Variants in DCLRE1A observed in about 807,000 individuals in gnomAD.
The protein encoded by DCLRE1A is DNA cross-link repair 1A, also known as DNA cross-link repair 1A protein.
Under a neutral mutation model 91.9 loss-of-function variants are expected in DCLRE1A, and 64 were observed. The observed-to-expected ratio is 0.70, with a 90% CI of 0.57 to 0.86. DCLRE1A has a LOEUF of 0.86. DCLRE1A is among the 40% of genes least tolerant of loss of function. DCLRE1A has a pLI of 0.00. For synonymous variants in DCLRE1A, 416 were observed against 431.1 expected (o/e 0.96, Z 0.43); for missense variants, 1,145 against 1,213.3 (o/e 0.94, Z 0.84).
At chr10:113,848,840 G>A (rs1276667065) in intron 2 of DCLRE1A, 140 bp downstream of exon 2, 8 of 791,074 alleles carry the variant, frequency 1.0e-5, no homozygotes, top group African/African-American at 3.5e-5. Flanking sequence ...CTACGTTAGA[G>A]GCTCATGAAG....
In DCLRE1A at chr10:113,853,373, A is replaced by C. The variant is rs1845693413; in HGVS notation, c.-191T>G. The C allele has an allele frequency of 1.8e-6, 1 of 541,158 alleles. No individual in the cohort carries two copies. Among genetic ancestry groups the C allele is most frequent in the African/African-American group, 1.9e-5 (1 of 51,476 alleles). The allele number at this position is 541,158 out of a possible 1,614,324, so 33.5% of individuals were successfully genotyped here. On this transcript the variant is annotated 5_prime_UTR_variant, in exon 1 of 9. Transcript: ENST00000361384. ...TGGCAAGCTACAAACCTTGTACCTG[A>C]CAACACCTGCTATTCCATTTATACC...
chr10:113,845,599 A>G (rs1259659925), intron 4 of DCLRE1A, 86 bp downstream of exon 4: 3 of 984,306 alleles, frequency 3.0e-6, no homozygotes, highest in South Asian at 1.5e-5. Flanking sequence ...CATATTAATT[A>G]TAATGAAAAA....
rs1211926193 is a variant in DCLRE1A, at chr10:113,854,039, G to A, written c.-857C>T. The A allele has an allele frequency of 6.6e-6, 1 of 152,216 alleles. No homozygotes were observed. Among genetic ancestry groups the A allele is most frequent in the Non-Finnish European group, 1.5e-5 (1 of 68,122 alleles). 9.4% of individuals were successfully genotyped at this position (152,216 alleles called of 1,614,324 possible). A position where few individuals can be genotyped will look rare whatever the true frequency, so the allele number is the denominator to read the frequency against. On this transcript the variant is annotated 5_prime_UTR_variant, in exon 1 of 9. Coordinates refer to ENST00000361384, the MANE Select transcript of DCLRE1A (RefSeq NM_014881.5). ...TTGGCATTAGAGGCTGGGAGGCCAG[G>A]AAGCGGGGCCTTAATCATCTCCAGG...
In DCLRE1A at chr10:113,849,000, G is replaced by A. The variant is rs1462104168; in HGVS notation, c.2105C>T (p.Pro702Leu). The change falls in exon 2 of 9, where the codon CCA (proline) becomes CTA (leucine). Residue 702 changes from proline to leucine, a missense_variant. Pro to Leu is a moderately conservative substitution (Grantham distance 98). Coordinates refer to ENST00000361384, the MANE Select transcript of DCLRE1A (RefSeq NM_014881.5). ...CTTACCAGGTATTTTCTTATAGAAT[G>A]GACATGTCTTTTTTCTTGATCCTCC... ...NVGGSRKKTC[P>L]FYKKIPGTGF... The A allele has an allele frequency of 6.2e-7, 1 of 1,613,134 alleles. No individual in the cohort carries two copies. The highest frequency in any genetic ancestry group is 1.3e-5 in the African/African-American group (1 of 74,884).
rs781052646 is a variant in DCLRE1A at position 113,849,958 on chromosome 10, C to A, written c.1147G>T (p.Asp383Tyr). The A allele has an allele frequency of 3.1e-6, 5 of 1,614,036 alleles. No individual in the cohort carries two copies. The highest frequency in any genetic ancestry group is 4.2e-6 in the Non-Finnish European group (5 of 1,180,046). The change falls in exon 2 of 9, where the codon GAT becomes TAT. Residue 383 changes from aspartate (D) to tyrosine (Y), a missense_variant. Coordinates refer to ENST00000361384, the MANE Select transcript of DCLRE1A (RefSeq NM_014881.5). ...TTTTGAGAAATAGGTTGAGACAAAT[C>A]ATTTAGACTATTGAATCTATACAAT... ...EGLYRFNSLNDLSQPISQNNE... is the reference protein window; with the variant it reads ...EGLYRFNSLNYLSQPISQNNE...
intron 4 of DCLRE1A, among the ~76,000 whole-genome samples, chr10:113,845,100 G>C (rs1845511621): frequency 6.6e-6 from 1 of 152,084 alleles, no homozygotes; most frequent in South Asian, 2.1e-4. Flanking sequence ...CTATGTTACA[G>C]TGGGCTAACA....
At chr10:113,841,205 T>G (rs1171409273) in intron 7 of DCLRE1A, among the ~76,000 whole-genome samples, 1 of 152,198 alleles carries the variant, frequency 6.6e-6, no homozygotes, top group Admixed American at 6.5e-5. Flanking sequence ...CCTAAACTTC[T>G]GGTGGGCATA....
chr10:113,839,347 A>G (rs1447723236), intron 7 of DCLRE1A, among the ~76,000 whole-genome samples: 2 of 151,386 alleles, frequency 1.3e-5, no homozygotes, highest in African/African-American at 4.8e-5. Flanking sequence ...AAAAAAAAAA[A>G]AAAGAAATCT....
intron 1 of DCLRE1A, 101 bp from the exon 2 acceptor site, chr10:113,850,745 T>C (rs575634720): frequency 7.9e-6 from 7 of 889,736 alleles, no homozygotes; most frequent in South Asian, 2.3e-5. Flanking sequence ...AATATCCACA[T>C]TGCATATAAT....
chr10:113,836,038 C>T (rs190914213), intron 8 of DCLRE1A, among the ~76,000 whole-genome samples: 68 of 152,272 alleles, frequency 4.5e-4, no homozygotes, highest in African/African-American at 1.5e-3. Flanking sequence ...TCTCCTACTC[C>T]GCTAGGATAA....
At chr10:113,837,344 T>C (rs1209755490) in intron 7 of DCLRE1A, 141 bp from the exon 8 acceptor site, 1 of 585,338 alleles carries the variant, frequency 1.7e-6, no homozygotes, top group Admixed American at 3.3e-5. Context: ...GTGCTATGCT[T>C]CTAAAAAATA....
chr10:113,841,703 G>C, intron 6 of DCLRE1A, 143 bp from the exon 7 acceptor site: 1 of 801,942 alleles, frequency 1.2e-6, no homozygotes, highest in South Asian at 2.1e-5. Flanking sequence ...TCTCAAAAAG[G>C]CTGAATCATT....
intron 7 of DCLRE1A, among the ~76,000 whole-genome samples, chr10:113,837,829 A>C (rs1197122172): frequency 1.3e-5 from 2 of 152,194 alleles, no homozygotes; most frequent in African/African-American, 4.8e-5. Context: ...AAGTAATCAT[A>C]AATGATGACA....
chr10:113,852,774 G>A lies in DCLRE1A; in HGVS notation c.409C>T (p.Pro137Ser), dbSNP rs753085344. 2.5e-6 allele frequency: 4 copies of A among 1,614,200 alleles called. No homozygotes were observed. Among genetic ancestry groups the A allele is most frequent in the South Asian group, 1.1e-5 (1 of 91,084 alleles). ...AAACATTCAAAAACATGCCATCGAGGTGTCTGCCCTATCAATGAGGAAAAA... is the reference window on the plus strand; with the variant it reads ...AAACATTCAAAAACATGCCATCGAGATGTCTGCCCTATCAATGAGGAAAAA... ...MPFSSLIGQT[P>S]RWHVFECLDS... Residue 137 changes from proline (P) to serine (S), a missense_variant, in exon 1 of 9, where the codon CCT (proline) becomes TCT (serine). Transcript: ENST00000361384.
intron 7 of DCLRE1A, among the ~76,000 whole-genome samples, chr10:113,840,858 T>G (rs2134651291): frequency 6.6e-6 from 1 of 152,344 alleles, no homozygotes; most frequent in South Asian, 2.1e-4. Context: ...TATGAATAAG[T>G]CTGACAAATA....
At position 113,847,835 on chromosome 10, in the gene DCLRE1A, GA is replaced by G. The variant is rs17228744; in HGVS notation, c.2126-501del. ...AACTAGAGGAGGGGGTGGGAAACAA[GA>G]AAAAAAAATGCCTAAAAAGGCTCCT... On this transcript the variant is annotated intron_variant, in intron 2 of 8. Transcript: ENST00000361384. 3.9e-3 allele frequency among the ~76,000 whole-genome samples: 582 copies of G among 150,572 alleles called. 5 individuals are homozygous for G. The highest frequency in any genetic ancestry group is 0.013 in the African/African-American group (540 of 41,084).
At chr10:113,847,356 C>T in intron 2 of DCLRE1A, 21 bp from the exon 3 acceptor site, 1 of 1,612,546 alleles carries the variant, frequency 6.2e-7, no homozygotes. Context: ...AATACCGACA[C>T]AGTAGGTTGA....
chr10:113,842,023 C>A (rs1207009324), intron 6 of DCLRE1A, among the ~76,000 whole-genome samples: 1 of 152,132 alleles, frequency 6.6e-6, no homozygotes, highest in Non-Finnish European at 1.5e-5. Context: ...TTATTATCCT[C>A]AAAGAATGCA....
In DCLRE1A at chr10:113,853,577, G is replaced by C. The variant is rs1440735601; in HGVS notation, c.-395C>G. On this transcript the variant is annotated 5_prime_UTR_variant, in exon 1 of 9. Transcript: ENST00000361384. ...ACAGCTTAATCTTAGAACGAGATTTGTAACATTGTTATGAAGCTACTGTCA... is the reference window on the plus strand; with the variant it reads ...ACAGCTTAATCTTAGAACGAGATTTCTAACATTGTTATGAAGCTACTGTCA... The C allele has an allele frequency of 2.5e-5, 4 of 161,250 alleles. No homozygotes were observed. The highest frequency in any genetic ancestry group is 5.4e-5 in the Non-Finnish European group (4 of 74,594). The allele number at this position is 161,250 out of a possible 1,614,324, so 10.0% of individuals were successfully genotyped here.
Sources: gnomAD v4.1 joint callset for allele counts (sites outside exome capture counted in the v4.1 genomes callset) on GRCh38, gnomAD v4.1.1 for gene constraint, MANE v1.5 for transcripts, NCBI Gene and HGNC (gene_info 2026-07-23, HGNC 2026-07-21) for gene names.